ZNF410: variants seen among roughly 807,000 people sequenced by gnomAD.
The protein encoded by ZNF410 is zinc finger protein 410.
In ZNF410, 18 loss-of-function variants were observed where a neutral mutation model predicts 54.8. The ratio of observed to expected loss-of-function variants is 0.33; its 90% CI spans 0.23 to 0.49. The LOEUF (loss-of-function observed/expected upper bound fraction) is 0.49. ZNF410 is among the 20% of genes least tolerant of loss of function. The pLI is 0.99. For synonymous variants in ZNF410, 191 were observed against 207.3 expected, an observed-to-expected ratio of 0.92 and a Z score of 0.68; for missense variants, 405 against 569.6, an observed-to-expected ratio of 0.71 and a Z score of 2.94.
chr14:73,928,486 A>G (rs549358877), intron 11 of ZNF410, among the ~76,000 whole-genome samples: 1 of 152,324 alleles, frequency 6.6e-6, no homozygotes, highest in African/African-American at 2.4e-5. Flanking sequence ...CATGGTTTGA[A>G]GTAGGGTATG....
At chr14:73,909,657 T>G (rs1362587168) in intron 8 of ZNF410, 12 of 447,334 alleles carry the variant, frequency 2.7e-5, no homozygotes, top group Non-Finnish European at 4.8e-5. Context: ...TAATAAAGCC[T>G]TCTTTTGAAG....
At chr14:73,924,494 CAG>C (rs1163994136) in intron 11 of ZNF410, among the ~76,000 whole-genome samples, 1 of 152,176 alleles carries the variant, frequency 6.6e-6, no homozygotes, top group Admixed American at 6.5e-5. Flanking sequence ...ACTCAGGAAA[CAG>C]AATGCAAAGT....
rs1243335849 is a variant in ZNF410 at position 73,920,976 on chromosome 14, T to G, written c.1004-4T>G. The G allele has an allele frequency of 1.9e-6, 3 of 1,613,862 alleles. No individual in the cohort carries two copies. Among genetic ancestry groups the G allele is most frequent in the African/African-American group, 2.7e-5 (2 of 74,906 alleles). On this transcript the variant is annotated splice_polypyrimidine_tract_variant and splice_region_variant and intron_variant, in intron 8 of 11. Coordinates refer to ENST00000555044, the MANE Select transcript of ZNF410 (RefSeq NM_021188.3). ...TTCCTTGTTTAACCTGGTCCCTGTT[T>G]CAGGAGAGAAGCCTCATCAGTGCCA...
At position 73,909,524 on chromosome 14, in the gene ZNF410, A is replaced by G. The variant is rs1373185154; in HGVS notation, c.1003+94A>G. Reference sequence around the variant, plus strand: ...GATATAAAGACAACTAAAAAGAAACAAACTGTTCACTATAAAGATAGAAAG... The same window carrying G: ...GATATAAAGACAACTAAAAAGAAACGAACTGTTCACTATAAAGATAGAAAG... On this transcript the variant is annotated intron_variant, in intron 8 of 11. Transcript: ENST00000555044. 6.0e-6 allele frequency: 6 copies of G among 996,136 alleles called. No individual in the cohort carries two copies. The Admixed American group carries it at 8.6e-5, about 14-fold the overall frequency. 61.7% of individuals were successfully genotyped at this position (996,136 alleles called of 1,614,324 possible). A position where few individuals can be genotyped will look rare whatever the true frequency, so the allele number is the denominator to read the frequency against.
intron 10 of ZNF410, chr14:73,922,418 A>G: frequency 2.6e-6 from 1 of 378,390 alleles, no homozygotes; most frequent in Non-Finnish European, 4.6e-6. Flanking sequence ...AAGAATAAAA[A>G]GAAAAAATTC....
At chr14:73,891,973 T>C in intron 1 of ZNF410, 54 bp from the exon 2 acceptor site, 1 of 691,998 alleles carries the variant, frequency 1.4e-6, no homozygotes, top group Non-Finnish European at 2.6e-6. Flanking sequence ...TTTATGTACC[T>C]GTGTTTTCCC....
In ZNF410 at chr14:73,932,456, T is replaced by C; in HGVS notation, c.*915T>C. The stretch of plus-strand genomic sequence containing the variant: ...TCTTAAGCCCAGGTGATAGTTACTC[T>C]GTCACCACCAAAAAAGACGCATCTG... On this transcript the variant is annotated 3_prime_UTR_variant, in exon 12 of 12. Transcript: ENST00000555044. The C allele has an allele frequency of 4.4e-6, 2 of 454,194 alleles. No homozygotes were observed. Among genetic ancestry groups the C allele is most frequent in the Non-Finnish European group, 8.8e-6 (2 of 226,640 alleles). The allele number at this position is 454,194 out of a possible 1,614,324, so 28.1% of individuals were successfully genotyped here.
rs972143345 is a variant in ZNF410, at chr14:73,897,739, C to T, written c.389-332C>T. 7.2e-5 allele frequency among the ~76,000 whole-genome samples: 11 copies of T among 151,982 alleles called. No individual in the cohort carries two copies. The East Asian group carries it at 7.8e-4, about 11-fold the overall frequency. ...CTGTAATCCCAGTACTTTGGGAGGC[C>T]GACGTGGGCGAATCACGAGGTCAGG... On this transcript the variant is annotated intron_variant, in intron 4 of 11. Transcript: ENST00000555044.
At chr14:73,918,164 A>G (rs529780555) in intron 8 of ZNF410, among the ~76,000 whole-genome samples, 12 of 152,172 alleles carry the variant, frequency 7.9e-5, no homozygotes, top group Middle Eastern at 3.4e-3. Context: ...GCTGGAGTGC[A>G]GTGGTCCACG....
chr14:73,931,232 T>C (rs1481229391), intron 11 of ZNF410, among the ~76,000 whole-genome samples: 1 of 152,164 alleles, frequency 6.6e-6, no homozygotes, highest in Non-Finnish European at 1.5e-5. Context: ...GACTGATGAG[T>C]AGGTAACTAC....
intron 7 of ZNF410, among the ~76,000 whole-genome samples, chr14:73,906,852 A>C (rs1278056701): frequency 2.0e-5 from 3 of 151,754 alleles, no homozygotes; most frequent in Non-Finnish European, 4.4e-5. Context: ...TCTAGCTTTT[A>C]TCTCTGTTAA....
intron 8 of ZNF410, among the ~76,000 whole-genome samples, chr14:73,915,338 G>A (rs1203075582): frequency 6.7e-6 from 1 of 150,346 alleles, no homozygotes; most frequent in African/African-American, 2.4e-5. Flanking sequence ...ATTCTTTCAT[G>A]ATTAATTTTT....
intron 11 of ZNF410, among the ~76,000 whole-genome samples, chr14:73,931,160 C>T (rs1466066223): frequency 5.3e-5 from 8 of 152,108 alleles, no homozygotes; most frequent in Admixed American, 1.3e-4. Flanking sequence ...TTGGCTGACA[C>T]GTATAAGATT....
intron 11 of ZNF410, 33 bp downstream of exon 11, chr14:73,923,555 CA>C (rs1566666207): frequency 1.3e-6 from 2 of 1,596,988 alleles, no homozygotes; most frequent in Non-Finnish European, 1.7e-6. Context: ...GTTTCTGTGA[CA>C]ATTCATGTGG....
At chr14:73,902,059 C>T (rs2055415799) in intron 5 of ZNF410, 1 of 150,182 alleles carries the variant, frequency 6.7e-6, no homozygotes, top group East Asian at 2.0e-4. Context: ...TATTTTTGTG[C>T]TATATGTGTA....
intron 1 of ZNF410, among the ~76,000 whole-genome samples, chr14:73,890,415 T>G (rs2055210974): frequency 6.7e-6 from 1 of 150,166 alleles, no homozygotes; most frequent in Non-Finnish European, 1.5e-5. Flanking sequence ...CTTGAACTCC[T>G]GACCTCAGGT....
chr14:73,896,654 A>G (rs1423180417), intron 4 of ZNF410, 120 bp downstream of exon 4: 2 of 799,278 alleles, frequency 2.5e-6, no homozygotes, highest in Non-Finnish European at 3.9e-6. Flanking sequence ...ATTTTGGAGA[A>G]TTGGTGTGTC....
At chr14:73,920,382 C>T (rs1211170112) in intron 8 of ZNF410, 1 of 152,328 alleles carries the variant, frequency 6.6e-6, no homozygotes, top group East Asian at 1.9e-4. Flanking sequence ...CTCTAGGTTA[C>T]TGCAGCCCCC....
At chr14:73,896,082 A>G (rs1191119633) in intron 3 of ZNF410, 6 of 521,820 alleles carry the variant, frequency 1.1e-5, no homozygotes, top group Non-Finnish European at 2.0e-5. Flanking sequence ...TTATTCACCA[A>G]CCATTACTGC....
Sources: allele counts gnomAD v4.1 joint callset (sites outside exome capture counted in the v4.1 genomes callset), GRCh38; gene constraint gnomAD v4.1.1; transcripts MANE v1.5; gene names NCBI Gene and HGNC (gene_info 2026-07-23, HGNC 2026-07-21).